CEP152: variants seen among roughly 807,000 people sequenced by gnomAD.
CEP152 encodes centrosomal protein of 152 kDa.
Under a neutral mutation model 188.9 loss-of-function variants are expected in CEP152, and 132 were observed. The ratio of observed to expected loss-of-function variants is 0.70; its 90% CI spans 0.61 to 0.81. The LOEUF (loss-of-function observed/expected upper bound fraction) is 0.81. Ranked by LOEUF, CEP152 falls within the 30% of genes least tolerant of loss-of-function variation. The probability of loss-of-function intolerance (pLI) is 0.00; values close to 1 mark genes in which losing one functional copy is unlikely to be tolerated. For synonymous variants in CEP152, 649 were observed against 666.6 expected, an observed-to-expected ratio of 0.97 and a Z score of 0.41; for missense variants, 1,914 against 1,969.8, an observed-to-expected ratio of 0.97 and a Z score of 0.54.
chr15:48,734,156 G>A (rs968259038), downstream of CEP152, among the ~76,000 whole-genome samples: 8 of 151,284 alleles, frequency 5.3e-5, no homozygotes, highest in Non-Finnish European at 1.0e-4. Flanking sequence ...AAGACATATT[G>A]CTTTATTGTA....
intron 8 of CEP152, among the ~76,000 whole-genome samples, chr15:48,790,147 C>T (rs1896908820): frequency 6.6e-6 from 1 of 152,144 alleles, no homozygotes; most frequent in Non-Finnish European, 1.5e-5. Flanking sequence ...CAGAGATTGC[C>T]TATTTATTCC....
chr15:48,767,423 T>G lies in CEP152; in HGVS notation c.2059A>C (p.Thr687Pro). The change falls in exon 16 of 27, where the codon ACT (threonine) becomes CCT (proline). Residue 687 changes from threonine to proline, a missense_variant. By Grantham distance (38) the Thr-to-Pro change is conservative. Transcript: ENST00000380950. ...TYQQHHEAMK[T>P]QIRESLLAKH... Reference sequence around the variant, plus strand: ...GCTAATAGGCTTTCACGTATTTGAGTTTTCATGGCTTCATGGTGCTGCTGA... The same window carrying G: ...GCTAATAGGCTTTCACGTATTTGAGGTTTCATGGCTTCATGGTGCTGCTGA... The G allele has an allele frequency of 1.2e-6, 2 of 1,614,064 alleles. No individual in the cohort carries two copies. Among genetic ancestry groups the G allele is most frequent in the South Asian group, 1.1e-5 (1 of 91,070 alleles).
intron 6 of CEP152, among the ~76,000 whole-genome samples, chr15:48,794,123 A>C (rs1478862194): frequency 6.6e-6 from 1 of 152,170 alleles, no homozygotes; most frequent in South Asian, 2.1e-4. Context: ...GGTTCACTAG[A>C]AGTCAAACCC....
At chr15:48,742,426 T>C (rs1408729039) in intron 24 of CEP152, among the ~76,000 whole-genome samples, 1 of 152,122 alleles carries the variant, frequency 6.6e-6, no homozygotes, top group Admixed American at 6.5e-5. Flanking sequence ...AAACTTAGTA[T>C]TTCAATTGTA....
At chr15:48,777,522 G>C (rs556613669) in intron 12 of CEP152, among the ~76,000 whole-genome samples, 1 of 151,266 alleles carries the variant, frequency 6.6e-6, no homozygotes, top group South Asian at 2.1e-4. Context: ...GTGCGAGACA[G>C]AGAAAATGAA....
rs367640283 is a variant in CEP152, at chr15:48,767,037, T to C, written c.2280+23A>G. On this transcript the variant is annotated intron_variant, in intron 17 of 26. Coordinates refer to ENST00000380950, the MANE Select transcript of CEP152 (RefSeq NM_001194998.2). Reference sequence around the variant, plus strand: ...GGCTTGAAGAGTGAAAGGATGTCGATACAACATAAACTTGTACTGTACCTT... The same window carrying C: ...GGCTTGAAGAGTGAAAGGATGTCGACACAACATAAACTTGTACTGTACCTT... The C allele has an allele frequency of 3.7e-6, 6 of 1,611,280 alleles. No individual in the cohort carries two copies. The African/African-American group carries it at 6.7e-5, about 18-fold the overall frequency.
Position 48,756,202 on chromosome 15 carries a change from A to C in CEP152, c.3046T>G (p.Leu1016Val), listed in dbSNP as rs1354338065. The change falls in exon 20 of 27, where the codon TTA becomes GTA. Residue 1016 changes from leucine to valine, a missense_variant. By Grantham distance (32) the Leu-to-Val change is conservative. Coordinates refer to ENST00000380950, the MANE Select transcript of CEP152 (RefSeq NM_001194998.2). ...CGACTCTGGTCTAGACAAGTTTGTA[A>C]TTCTGTCTCCTTCTGAAGAAGTAGT... ...TELLLQKETE[L>V]QTCLDQSRRE... The C allele has an allele frequency of 3.7e-6, 6 of 1,613,776 alleles. No individual in the cohort carries two copies. The South Asian group carries it at 6.6e-5, about 18-fold the overall frequency.
intron 19 of CEP152, among the ~76,000 whole-genome samples, chr15:48,757,565 G>C (rs1894368482): frequency 6.6e-6 from 1 of 152,078 alleles, no homozygotes; most frequent in Non-Finnish European, 1.5e-5. Flanking sequence ...TAATATTCCT[G>C]ACTGAATTCC....
At chr15:48,789,061 G>T in intron 8 of CEP152, 60 bp from the exon 9 acceptor site, 1 of 1,439,418 alleles carries the variant, frequency 6.9e-7, no homozygotes, top group Non-Finnish European at 9.8e-7. Flanking sequence ...TTAGCTCTGT[G>T]CTGTCTATAA....
At chr15:48,753,911 G>A (rs1894074518) in intron 20 of CEP152, among the ~76,000 whole-genome samples, 1 of 151,940 alleles carries the variant, frequency 6.6e-6, no homozygotes, top group East Asian at 1.9e-4. Context: ...TTTTAATGAG[G>A]ACTTGTTTTT....
At chr15:48,739,354 A>T (rs1239236786) in intron 26 of CEP152, 66 bp from the exon 27 acceptor site, 5 of 1,495,378 alleles carry the variant, frequency 3.3e-6, no homozygotes, top group African/African-American at 2.9e-5. Flanking sequence ...TTCATCCTTG[A>T]ACAAAAAAAT....
Position 48,769,066 on chromosome 15 carries a change from AG to A in CEP152, c.1797del (p.Ser600GlnfsTer46), listed in dbSNP as rs531410403. The A allele has an allele frequency of 1.2e-5, 20 of 1,606,850 alleles. No homozygotes were observed. The highest frequency in any genetic ancestry group is 1.7e-5 in the Non-Finnish European group (20 of 1,174,334). On this transcript the variant is annotated frameshift_variant, in exon 14 of 27. Coordinates refer to ENST00000380950, the MANE Select transcript of CEP152 (RefSeq NM_001194998.2). LOFTEE classifies it high-confidence loss of function. Reference sequence around the variant, plus strand: ...CATAATTGATTCTTTGGTTTTTCTGAGGTATCTGTTTTAGTCTGAATATTAA... The same window carrying A: ...CATAATTGATTCTTTGGTTTTTCTGAGTATCTGTTTTAGTCTGAATATTAA... ...KSIEVETKTD[T>X]SEKPKNQLWP...
chr15:48,798,157 C>A lies in CEP152; in HGVS notation c.88-106G>T, dbSNP rs535856601. On this transcript the variant is annotated intron_variant, in intron 2 of 26. Transcript: ENST00000380950. ...TTTTACTGTAGAGGTCAAAGAAGTT[C>A]ATAATTCCCTCCTTTAATTAACTTC... is the stretch of plus-strand genomic sequence containing the variant. 4.3e-4 allele frequency: 337 copies of A among 782,186 alleles called. 2 individuals carry two copies. In the South Asian group the frequency reaches 4.8e-3, roughly 11 times the overall value. The allele number at this position is 782,186 out of a possible 1,614,324, so 48.5% of individuals were successfully genotyped here. A position where few individuals can be genotyped will look rare whatever the true frequency, so the allele number is the denominator to read the frequency against.
intron 17 of CEP152, among the ~76,000 whole-genome samples, chr15:48,765,361 A>AC: frequency 6.6e-6 from 1 of 151,892 alleles, no homozygotes; most frequent in Admixed American, 6.6e-5. Context: ...AACAATTAAA[A>AC]TTTTTTTTTA....
In CEP152 at chr15:48,767,116, T is replaced by G; in HGVS notation, c.2224A>C (p.Asn742His). Residue 742 changes from asparagine (N) to histidine (H), a missense_variant, in exon 17 of 27, where the codon AAT (asparagine) becomes CAT (histidine). Transcript: ENST00000380950. ...GTCTTCCTGAGAGTCAATTCTAGAT[T>G]ATCCTTCTCTCTGCACACTTCTAGG... ...CYLEVCREKD[N>H]LELTLRKTTE... is the part of the protein sequence containing the mutation. The G allele has an allele frequency of 6.2e-7, 1 of 1,613,652 alleles. No individual in the cohort carries two copies. Among genetic ancestry groups the G allele is most frequent in the Non-Finnish European group, 8.5e-7 (1 of 1,180,012 alleles).
chr15:48,769,587 TAATC>T (rs1375828647), intron 13 of CEP152, among the ~76,000 whole-genome samples: 1 of 152,226 alleles, frequency 6.6e-6, no homozygotes. Flanking sequence ...CCACTGGTAA[TAATC>T]AATTGAAGGT....
At chr15:48,790,581 T>C (rs79794493) in intron 8 of CEP152, among the ~76,000 whole-genome samples, 1 of 152,158 alleles carries the variant, frequency 6.6e-6, no homozygotes, top group African/African-American at 2.4e-5. Context: ...ATTTTTTTTT[T>C]CTTCAGACAA....
chr15:48,729,455 T>C (rs1239223216), intron 2 of CEP152: 1 of 152,188 alleles, frequency 6.6e-6, no homozygotes, highest in Non-Finnish European at 1.5e-5. Context: ...GAGGATCATT[T>C]GAACCCAACA....
intron 2 of CEP152, among the ~76,000 whole-genome samples, chr15:48,801,535 T>C (rs763388275): frequency 6.6e-6 from 1 of 152,258 alleles, no homozygotes; most frequent in Non-Finnish European, 1.5e-5. Context: ...CAACACTAAA[T>C]GATCCATCAT....
Sources: gnomAD v4.1 joint callset for allele counts (sites outside exome capture counted in the v4.1 genomes callset) on GRCh38, gnomAD v4.1.1 for gene constraint, MANE v1.5 for transcripts, NCBI Gene and HGNC (gene_info 2026-07-23, HGNC 2026-07-21) for gene names.